Variants in SPAG16 observed in about 807,000 individuals in gnomAD.
SPAG16 encodes the protein sperm associated antigen 16, also known as sperm-associated antigen 16 protein.
In SPAG16, 86 loss-of-function variants were observed where a neutral mutation model predicts 80.4. That is an observed-to-expected ratio of 1.07 (90% CI 0.90 to 1.28). SPAG16 has a LOEUF of 1.28. Ranked by LOEUF, SPAG16 falls within the 50% of genes most tolerant of loss-of-function variation. SPAG16 has a pLI of 0.00. For synonymous variants in SPAG16, 294 were observed against 265.9 expected, an observed-to-expected ratio of 1.11 and a Z score of -1.03; for missense variants, 870 against 765.3, an observed-to-expected ratio of 1.14 and a Z score of -1.61.
At chr2:214,246,834 A>C (rs1475842075) in intron 15 of SPAG16, among the ~76,000 whole-genome samples, 1 of 152,176 alleles carries the variant, frequency 6.6e-6, no homozygotes, top group Admixed American at 6.6e-5. Flanking sequence ...TAGGTAAAGA[A>C]AAATGATTCC....
chr2:213,460,188 A>G (rs2072280433), intron 9 of SPAG16, among the ~76,000 whole-genome samples: 2 of 151,840 alleles, frequency 1.3e-5, no homozygotes, highest in African/African-American at 2.4e-5. Flanking sequence ...TTTTTCTTCC[A>G]TACTCTGTCT....
intron 10 of SPAG16, among the ~76,000 whole-genome samples, chr2:213,615,002 C>T (rs971035092): frequency 6.6e-6 from 1 of 152,196 alleles, no homozygotes; most frequent in Admixed American, 6.5e-5. Flanking sequence ...ATTCTTAAAA[C>T]AATCTCTCAA....
intron 7 of SPAG16, among the ~76,000 whole-genome samples, chr2:213,360,498 A>G (rs1035219204): frequency 1.3e-5 from 2 of 152,234 alleles, no homozygotes; most frequent in Non-Finnish European, 2.9e-5. Context: ...GGCACAGAAT[A>G]TAGTCCTAGT....
intron 11 of SPAG16, among the ~76,000 whole-genome samples, chr2:213,866,118 A>C (rs990747321): frequency 1.3e-5 from 2 of 151,672 alleles, no homozygotes; most frequent in African/African-American, 4.8e-5. Context: ...GTTTTTAGAA[A>C]CTTACCAAAA....
intron 13 of SPAG16, among the ~76,000 whole-genome samples, chr2:214,023,969 A>G (rs1015481508): frequency 6.6e-6 from 1 of 151,772 alleles, no homozygotes; most frequent in Admixed American, 6.6e-5. Context: ...GATTATTTTA[A>G]TTCTGTAAGA....
At chr2:213,874,531 G>A (rs1290630403) in intron 11 of SPAG16, among the ~76,000 whole-genome samples, 2 of 151,842 alleles carry the variant, frequency 1.3e-5, no homozygotes. Context: ...AGTTCTTCAG[G>A]GGCATAATAA....
intron 10 of SPAG16, among the ~76,000 whole-genome samples, chr2:213,580,052 C>A (rs1168764783): frequency 1.3e-5 from 2 of 152,074 alleles, no homozygotes; most frequent in Non-Finnish European, 2.9e-5. Flanking sequence ...ACCTTCCCCC[C>A]AACTTCGTTC....
chr2:213,512,875 C>G (rs1468129145), intron 10 of SPAG16, among the ~76,000 whole-genome samples: 48 of 152,050 alleles, frequency 3.2e-4, no homozygotes, highest in Non-Finnish European at 4.4e-5. Flanking sequence ...ATGGCACTCC[C>G]ACCAAGACTG....
At position 214,257,663 on chromosome 2, in the gene SPAG16, GC is replaced by G. The variant is rs1298346013; in HGVS notation, c.1720+108398del. Among the ~76,000 whole-genome samples, 3 of 152,118 alleles carry G rather than the reference GC, an allele frequency of 2.0e-5. No homozygotes were observed. In the East Asian group the frequency reaches 5.8e-4, roughly 29 times the overall value. On this transcript the variant is annotated intron_variant, in intron 15 of 15. Transcript: ENST00000331683. The stretch of plus-strand genomic sequence containing the variant: ...TTTTTGAATGGTAAGCCAATCTTGA[GC>G]TTTTGTAAAACAGCGAAGATAAACA...
At chr2:214,251,619 G>A (rs1033878413) in intron 15 of SPAG16, among the ~76,000 whole-genome samples, 1 of 152,064 alleles carries the variant, frequency 6.6e-6, no homozygotes, top group Non-Finnish European at 1.5e-5. Flanking sequence ...GAGTAAGGAT[G>A]CACATTACTG....
chr2:213,497,584 C>A (rs543000317), intron 10 of SPAG16, among the ~76,000 whole-genome samples: 1 of 151,980 alleles, frequency 6.6e-6, no homozygotes, highest in East Asian at 1.9e-4. Flanking sequence ...CCTCCTGGGA[C>A]TGTAAACATT....
At chr2:213,593,868 C>A (rs926701698) in intron 10 of SPAG16, among the ~76,000 whole-genome samples, 5 of 147,058 alleles carry the variant, frequency 3.4e-5, no homozygotes, top group Non-Finnish European at 7.5e-5. Context: ...TCCGCCTCCC[C>A]GGTTCCCGCT....
intron 5 of SPAG16, chr2:213,318,031 A>T (rs2063472994): frequency 2.6e-5 from 4 of 152,044 alleles, no homozygotes; most frequent in Admixed American, 2.6e-4. Context: ...CCCACCAACC[A>T]TGTATGAGTG....
At chr2:214,001,068 T>C (rs1489024280) in intron 12 of SPAG16, among the ~76,000 whole-genome samples, 2 of 152,238 alleles carry the variant, frequency 1.3e-5, no homozygotes, top group African/African-American at 4.8e-5. Context: ...AAAATTTGAA[T>C]GTATCATTGT....
intron 1 of SPAG16, 103 bp downstream of exon 1, chr2:213,284,722 A>G (rs2126036996): frequency 3.5e-6 from 5 of 1,423,574 alleles, no homozygotes; most frequent in Non-Finnish European, 3.7e-6. Context: ...CCTTGGGGCC[A>G]CTCCGGAGGA....
In SPAG16 at chr2:214,306,299, A is replaced by G. The variant is rs535411859; in HGVS notation, c.1721-103841A>G. Among the ~76,000 whole-genome samples the G allele has an allele frequency of 3.9e-5, 6 of 152,272 alleles. No individual in the cohort carries two copies. In the South Asian group the frequency reaches 1.2e-3, roughly 32 times the overall value. On this transcript the variant is annotated intron_variant, in intron 15 of 15. Transcript: ENST00000331683. ...GGGCTGAGACTCTGGGATTTTCTAG[A>G]TATAGAATCATGTTGTCTGCAAATA...
At chr2:213,928,358 C>G (rs1372681867) in intron 11 of SPAG16, among the ~76,000 whole-genome samples, 1 of 151,916 alleles carries the variant, frequency 6.6e-6, no homozygotes, top group Non-Finnish European at 1.5e-5. Flanking sequence ...TCCCAAAGTG[C>G]TGGGATTACA....
intron 14 of SPAG16, among the ~76,000 whole-genome samples, chr2:214,133,326 T>G (rs1024955341): frequency 1.3e-5 from 2 of 151,992 alleles, no homozygotes; most frequent in African/African-American, 4.8e-5. Flanking sequence ...CCAGAAGTCC[T>G]CTGGGAAGAA....
At chr2:213,895,859 T>C (rs2076972241) in intron 11 of SPAG16, among the ~76,000 whole-genome samples, 1 of 152,024 alleles carries the variant, frequency 6.6e-6, no homozygotes, top group South Asian at 2.1e-4. Flanking sequence ...CCCCAGGACA[T>C]TGGTCTGGAC....
Sources: gnomAD v4.1 joint callset for allele counts (sites outside exome capture counted in the v4.1 genomes callset) on GRCh38, gnomAD v4.1.1 for gene constraint, MANE v1.5 for transcripts, NCBI Gene and HGNC (gene_info 2026-07-23, HGNC 2026-07-21) for gene names.